PTPRK: variants seen among roughly 807,000 people sequenced by gnomAD.
PTPRK encodes receptor-type tyrosine-protein phosphatase kappa.
PTPRK carries 75 observed loss-of-function variants against 178.0 expected under a neutral mutation model. The ratio of observed to expected loss-of-function variants is 0.42; its 90% CI spans 0.35 to 0.51. PTPRK has a LOEUF of 0.51. PTPRK is among the 20% of genes least tolerant of loss of function. The pLI is 0.02. For missense variants in PTPRK, 1,441 were observed against 1,797.8 expected, an observed-to-expected ratio of 0.80 and a Z score of 3.59; for synonymous variants, 637 against 620.6, an observed-to-expected ratio of 1.03 and a Z score of -0.39.
At chr6:128,269,885 T>C (rs1440206055) in intron 3 of PTPRK, among the ~76,000 whole-genome samples, 5 of 152,124 alleles carry the variant, frequency 3.3e-5, no homozygotes, top group African/African-American at 4.8e-5. Flanking sequence ...AAAGGTATTA[T>C]AGTCTCCCAA....
intron 5 of PTPRK, among the ~76,000 whole-genome samples, chr6:128,222,811 C>A (rs1810651258): frequency 6.6e-6 from 1 of 152,160 alleles, no homozygotes; most frequent in Non-Finnish European, 1.5e-5. Flanking sequence ...CTGACATTTG[C>A]AGAAATCGGT....
At position 128,385,216 on chromosome 6, in the gene PTPRK, C is replaced by T. The variant is rs562356289; in HGVS notation, c.223+12350G>A. Among the ~76,000 whole-genome samples the T allele has an allele frequency of 6.3e-4, 95 of 151,832 alleles. 1 individual carries two copies. The highest frequency in any genetic ancestry group is 3.5e-3 in the Middle Eastern group (1 of 288). On this transcript the variant is annotated intron_variant, in intron 2 of 29. Coordinates refer to ENST00000368226, the MANE Select transcript of PTPRK (RefSeq NM_002844.4). ...GATTCTTCCTTGCATGATAAAACAA[C>T]AAATTCAGAAAAAATAAAAATTTCA...
At chr6:128,085,693 T>C (rs1421994422) in intron 8 of PTPRK, among the ~76,000 whole-genome samples, 2 of 152,230 alleles carry the variant, frequency 1.3e-5, no homozygotes, top group Non-Finnish European at 2.9e-5. Context: ...GTACCTTCCC[T>C]AGAAGTTTTG....
At chr6:127,977,524 G>A (rs909517089) in intron 25 of PTPRK, among the ~76,000 whole-genome samples, 3 of 152,146 alleles carry the variant, frequency 2.0e-5, no homozygotes, top group Non-Finnish European at 2.9e-5. Context: ...AAGTAAAATT[G>A]TTTTACTCTT....
rs79714756 is a variant in PTPRK, at chr6:128,445,927, T to C, written c.101-48239A>G. Among the ~76,000 whole-genome samples the C allele has an allele frequency of 5.6e-4, 86 of 152,250 alleles. 1 individual carries two copies. The East Asian group carries it at 0.015, about 26-fold the overall frequency. ...GGGTTGCTAGAAAATTCCAAGTATA[T>C]AGACCTAACATGTTCCATCTTGTAT... is the stretch of plus-strand genomic sequence containing the variant. On this transcript the variant is annotated intron_variant, in intron 1 of 29. Coordinates refer to ENST00000368226, the MANE Select transcript of PTPRK (RefSeq NM_002844.4).
At position 128,396,388 on chromosome 6, in the gene PTPRK, G is replaced by A. The variant is rs529512057; in HGVS notation, c.223+1178C>T. On this transcript the variant is annotated intron_variant, in intron 2 of 29. Transcript: ENST00000368226. ...TAATATATAATTATGTACTATTTTT[G>A]TTTCTTTCTAAATATTGGAAGGAAA... Among the ~76,000 whole-genome samples the A allele has an allele frequency of 2.7e-5, 4 of 148,778 alleles. No homozygotes were observed. In the East Asian group the frequency reaches 7.8e-4, roughly 29 times the overall value.
At chr6:128,277,235 C>T (rs987054164) in intron 3 of PTPRK, among the ~76,000 whole-genome samples, 1 of 151,994 alleles carries the variant, frequency 6.6e-6, no homozygotes, top group Non-Finnish European at 1.5e-5. Flanking sequence ...ATAAAAACTA[C>T]CTATTAAGTA....
intron 2 of PTPRK, among the ~76,000 whole-genome samples, chr6:128,374,870 C>T (rs539079377): frequency 8.2e-4 from 125 of 152,034 alleles, no homozygotes; most frequent in Non-Finnish European, 1.4e-3. Flanking sequence ...TATAACAATG[C>T]CTTCCACTCT....
intron 27 of PTPRK, among the ~76,000 whole-genome samples, chr6:127,975,777 T>C (rs1774494865): frequency 6.6e-6 from 1 of 152,136 alleles, no homozygotes; most frequent in Non-Finnish European, 1.5e-5. Flanking sequence ...GTTCAAATGA[T>C]TCTGCTGCCT....
chr6:127,976,699 A>G lies in PTPRK; in HGVS notation c.3927T>C (p.Cys1309=). Residue 1309 remains cysteine, a synonymous_variant, in exon 27 of 30, where the codon TGT becomes TGC. Transcript: ENST00000368226. ...QVECMSCSMD[C]DVINRIFRIC... ...TCCTAAAAATCCGGTTGATCACATC[A>G]CAGTCCATTGAACAAGACATACATT... is the stretch of plus-strand genomic sequence containing the variant. 6.2e-7 allele frequency: 1 copy of G among 1,614,034 alleles called. No individual in the cohort carries two copies. The highest frequency in any genetic ancestry group is 8.5e-7 in the Non-Finnish European group (1 of 1,179,950).
At chr6:128,407,402 C>T (rs1012038590) in intron 1 of PTPRK, among the ~76,000 whole-genome samples, 36 of 151,750 alleles carry the variant, frequency 2.4e-4, no homozygotes, top group Non-Finnish European at 2.9e-5. Context: ...TTTGGGAAGA[C>T]AGAGGGGTTA....
chr6:128,379,453 G>A (rs934502483), intron 2 of PTPRK, among the ~76,000 whole-genome samples: 1 of 152,092 alleles, frequency 6.6e-6, no homozygotes, highest in African/African-American at 2.4e-5. Flanking sequence ...TTCAAAGTAT[G>A]TTCACAATCA....
intron 7 of PTPRK, among the ~76,000 whole-genome samples, chr6:128,099,868 A>T (rs1252959196): frequency 2.6e-5 from 4 of 152,068 alleles, no homozygotes; most frequent in African/African-American, 9.7e-5. Context: ...TTAGGTTTAG[A>T]GATTAGACAG....
At chr6:128,157,010 A>G (rs1172990778) in intron 7 of PTPRK, among the ~76,000 whole-genome samples, 1 of 152,018 alleles carries the variant, frequency 6.6e-6, no homozygotes. Flanking sequence ...TAAGAATGCA[A>G]ATGAATTACT....
At chr6:128,450,110 G>A (rs1270783512) in intron 1 of PTPRK, among the ~76,000 whole-genome samples, 83 of 144,942 alleles carry the variant, frequency 5.7e-4, no homozygotes, top group Non-Finnish European at 1.8e-4. Flanking sequence ...AAAGCAAGAC[G>A]CATCTCAACA....
chr6:128,025,932 G>A (rs190060490), intron 13 of PTPRK, among the ~76,000 whole-genome samples: 3 of 152,252 alleles, frequency 2.0e-5, no homozygotes, highest in African/African-American at 4.8e-5. Context: ...TGCAAAGACC[G>A]CTTTTCCCTA....
At chr6:128,254,897 T>C (rs1216130737) in intron 3 of PTPRK, among the ~76,000 whole-genome samples, 1 of 152,184 alleles carries the variant, frequency 6.6e-6, no homozygotes, top group African/African-American at 2.4e-5. Flanking sequence ...TTTGTACAAT[T>C]ATAAAGGCTT....
chr6:128,470,366 A>G (rs1273101080), intron 1 of PTPRK, among the ~76,000 whole-genome samples: 1 of 151,336 alleles, frequency 6.6e-6, no homozygotes, highest in Non-Finnish European at 1.5e-5. Context: ...TTGAGCTTTG[A>G]CTTTTTCTAT....
At chr6:128,276,014 T>C (rs1270115636) in intron 3 of PTPRK, among the ~76,000 whole-genome samples, 6 of 152,040 alleles carry the variant, frequency 3.9e-5, no homozygotes, top group Admixed American at 1.3e-4. Flanking sequence ...TATGATGATA[T>C]ATGTAAACTT....
Sources: gnomAD v4.1 joint callset for allele counts (sites outside exome capture counted in the v4.1 genomes callset) on GRCh38, gnomAD v4.1.1 for gene constraint, MANE v1.5 for transcripts, NCBI Gene and HGNC (gene_info 2026-07-23, HGNC 2026-07-21) for gene names.